SPAG16: variants seen among roughly 807,000 people sequenced by gnomAD.
SPAG16 encodes the protein sperm associated antigen 16.
Under a neutral mutation model 80.4 loss-of-function variants are expected in SPAG16, and 86 were observed. That is an observed-to-expected ratio of 1.07 (90% confidence interval 0.90 to 1.28). The LOEUF is 1.28. SPAG16 is among the 50% of genes most tolerant of loss of function. The pLI is 0.00. For missense variants in SPAG16, 870 were observed against 765.3 expected (o/e 1.14, Z -1.61); for synonymous variants, 294 against 265.9 (o/e 1.11, Z -1.03).
chr2:213,873,128 G>A (rs2076014231), intron 11 of SPAG16, among the ~76,000 whole-genome samples: 2 of 151,528 alleles, frequency 1.3e-5, no homozygotes, highest in Non-Finnish European at 2.9e-5. Context: ...AATTTGTGAA[G>A]TAGTAGTGTT....
At chr2:213,874,547 A>G (rs1441302925) in intron 11 of SPAG16, among the ~76,000 whole-genome samples, 1 of 152,176 alleles carries the variant, frequency 6.6e-6, no homozygotes, top group Non-Finnish European at 1.5e-5. Flanking sequence ...AATAATATGT[A>G]ATATACCCTT....
intron 12 of SPAG16, among the ~76,000 whole-genome samples, chr2:213,954,608 A>T (rs2044023107): frequency 6.6e-6 from 1 of 152,102 alleles, no homozygotes; most frequent in African/African-American, 2.4e-5. Context: ...TCAACCCGTC[A>T]TCTAGGTTTT....
At chr2:214,249,622 CTA>C (rs1048227608) in intron 15 of SPAG16, among the ~76,000 whole-genome samples, 39 of 152,070 alleles carry the variant, frequency 2.6e-4, no homozygotes, top group African/African-American at 8.5e-4. Context: ...TAAAATCACA[CTA>C]TGATTTGCAT....
At chr2:213,945,164 G>A (rs764087540) in intron 12 of SPAG16, among the ~76,000 whole-genome samples, 8 of 150,922 alleles carry the variant, frequency 5.3e-5, no homozygotes, top group Non-Finnish European at 1.0e-4. Flanking sequence ...ATATATATAT[G>A]TGTGTGTATA....
intron 12 of SPAG16, among the ~76,000 whole-genome samples, chr2:213,967,240 C>G (rs10191219): frequency 6.6e-6 from 1 of 151,850 alleles, no homozygotes; most frequent in Admixed American, 6.6e-5. Flanking sequence ...TGTATTCTGT[C>G]GGACAAAATC....
intron 10 of SPAG16, among the ~76,000 whole-genome samples, chr2:213,498,533 A>G (rs903300891): frequency 1.3e-5 from 2 of 152,168 alleles, no homozygotes; most frequent in East Asian, 3.8e-4. Context: ...AACATATAAA[A>G]CAATATTGAT....
chr2:213,717,982 C>T (rs900657087), intron 10 of SPAG16, among the ~76,000 whole-genome samples: 2 of 151,852 alleles, frequency 1.3e-5, no homozygotes, highest in Non-Finnish European at 2.9e-5. Flanking sequence ...GGCAACAATG[C>T]CAAAATTGAC....
chr2:213,962,270 T>G (rs1050076076), intron 12 of SPAG16, among the ~76,000 whole-genome samples: 7 of 151,514 alleles, frequency 4.6e-5, no homozygotes, highest in Non-Finnish European at 7.4e-5. Context: ...CTCGGCTCAC[T>G]GCAAGCTCGC....
intron 9 of SPAG16, among the ~76,000 whole-genome samples, chr2:213,443,389 A>G (rs183217962): frequency 6.6e-6 from 1 of 152,190 alleles, no homozygotes; most frequent in Admixed American, 6.5e-5. Context: ...CATATAAGTG[A>G]TATCATACTT....
chr2:214,349,965 A>G (rs572343697), intron 15 of SPAG16, among the ~76,000 whole-genome samples: 4 of 152,314 alleles, frequency 2.6e-5, no homozygotes, highest in East Asian at 3.9e-4. Flanking sequence ...TTTCTCAGAT[A>G]TATGTGTAGT....
chr2:213,565,726 G>A (rs891702766), intron 10 of SPAG16, among the ~76,000 whole-genome samples: 2 of 152,220 alleles, frequency 1.3e-5, no homozygotes, highest in East Asian at 3.8e-4. Flanking sequence ...GAAGGGCTAG[G>A]AGTTAAGAAT....
At chr2:213,515,869 T>G (rs2075403377) in intron 10 of SPAG16, among the ~76,000 whole-genome samples, 1 of 152,140 alleles carries the variant, frequency 6.6e-6, no homozygotes, top group African/African-American at 2.4e-5. Flanking sequence ...GCATTGTGTG[T>G]CTAGACAGAT....
intron 10 of SPAG16, among the ~76,000 whole-genome samples, chr2:213,735,524 T>C (rs2125438192): frequency 6.6e-6 from 1 of 152,308 alleles, no homozygotes; most frequent in Non-Finnish European, 1.5e-5. Context: ...AAGCTCATAT[T>C]GTTTCCCAGG....
intron 13 of SPAG16, among the ~76,000 whole-genome samples, chr2:214,073,298 G>A (rs922556157): frequency 4.7e-5 from 7 of 149,672 alleles, no homozygotes; most frequent in African/African-American, 9.9e-5. Flanking sequence ...GTGCAGTGGC[G>A]CAATCTTGGC....
intron 10 of SPAG16, among the ~76,000 whole-genome samples, chr2:213,603,843 G>C (rs1210983036): frequency 6.6e-6 from 1 of 151,592 alleles, no homozygotes; most frequent in Non-Finnish European, 1.5e-5. Context: ...GTCACTATCT[G>C]TGGCTTTAAT....
chr2:213,876,412 C>G (rs10153700), intron 11 of SPAG16, among the ~76,000 whole-genome samples: 90,223 of 151,678 alleles, frequency 0.59, 28,694 homozygotes, highest in South Asian at 0.85. Context: ...TGTATGAGTG[C>G]ACATCAAATT....
chr2:213,796,240 A>G (rs189010738), intron 10 of SPAG16, among the ~76,000 whole-genome samples: 3 of 152,228 alleles, frequency 2.0e-5, no homozygotes, highest in Admixed American at 1.3e-4. Flanking sequence ...AGTTTACAGA[A>G]TTGTGCAACT....
chr2:213,869,858 A>G (rs1219100267), intron 11 of SPAG16, among the ~76,000 whole-genome samples: 3 of 152,192 alleles, frequency 2.0e-5, no homozygotes, highest in Non-Finnish European at 4.4e-5. Context: ...TACCTGCTTA[A>G]TATTTAATCA....
chr2:213,680,449 G>T (rs1456150503), intron 10 of SPAG16, among the ~76,000 whole-genome samples: 2 of 138,096 alleles, frequency 1.4e-5, no homozygotes, highest in Non-Finnish European at 3.2e-5. Flanking sequence ...AAAAAAAAAA[G>T]ATGTTTTATT....
Sources: gnomAD v4.1 joint callset for allele counts (sites outside exome capture counted in the v4.1 genomes callset) on GRCh38, gnomAD v4.1.1 for gene constraint, MANE v1.5 for transcripts, NCBI Gene and HGNC (gene_info 2026-07-23, HGNC 2026-07-21) for gene names.